CEP120: variants seen among roughly 807,000 people sequenced by gnomAD.
The protein encoded by CEP120 is centrosomal protein 120, also known as centrosomal protein of 120 kDa.
Under a neutral mutation model 126.5 loss-of-function variants are expected in CEP120, and 113 were observed. That is an observed-to-expected ratio of 0.89 (90% CI 0.77 to 1.04). The LOEUF (loss-of-function observed/expected upper bound fraction) is 1.04, where lower values mean the gene tolerates loss of function less well. Among genes scored for constraint, CEP120 ranks in the 50% least tolerant of loss-of-function variants. CEP120 has a pLI of 0.00. For missense variants in CEP120, 1,230 were observed against 1,155.7 expected, an observed-to-expected ratio of 1.06 and a Z score of -0.93; for synonymous variants, 400 against 394.3, an observed-to-expected ratio of 1.01 and a Z score of -0.17.
Position 123,349,977 on chromosome 5 carries a change from T to G in CEP120, c.2693A>C (p.Gln898Pro), listed in dbSNP as rs772210718. ...TTCATTTCTTATATCCAACAATTCT[T>G]GTCGCTCGGTTTTTACTGTATCTTT... ...EEKDTVKTERQELLDIRNELN... is the reference protein window; with the variant it reads ...EEKDTVKTERPELLDIRNELN... Residue 898 changes from glutamine to proline, a missense_variant, in exon 19 of 20, where the codon CAA becomes CCA. Gln to Pro is a moderately conservative substitution (Grantham distance 76). Coordinates refer to ENST00000306467, the MANE Select transcript of CEP120 (RefSeq NM_001375405.1). The G allele has an allele frequency of 1.9e-6, 3 of 1,613,854 alleles. No individual in the cohort carries two copies. Among genetic ancestry groups the G allele is most frequent in the Non-Finnish European group, 2.5e-6 (3 of 1,179,900 alleles).
intron 3 of CEP120, among the ~76,000 whole-genome samples, chr5:123,413,116 C>T (rs911902005): frequency 1.3e-4 from 20 of 151,456 alleles, no homozygotes; most frequent in African/African-American, 2.4e-4. Context: ...ACTAAAAATA[C>T]GAAAAATTAG....
rs764756752 is a variant in CEP120 at position 123,346,474 on chromosome 5, T to C, written c.*45A>G. ...CACTTTTGAGGTTTTTACAAAGAAA[T>C]TAAAATTTAGACTTAGAGTCTCTAT... is the stretch of plus-strand genomic sequence containing the variant. On this transcript the variant is annotated 3_prime_UTR_variant, in exon 20 of 20. Transcript: ENST00000306467. 7.1e-7 allele frequency: 1 copy of C among 1,402,190 alleles called. No homozygotes were observed. The highest frequency in any genetic ancestry group is 2.2e-5 in the Admixed American group (1 of 44,626). The allele number at this position is 1,402,190 out of a possible 1,614,324, so 86.9% of individuals were successfully genotyped here. A position where few individuals can be genotyped will look rare whatever the true frequency, so the allele number is the denominator to read the frequency against.
intron 5 of CEP120, 27 bp from the exon 6 acceptor site, chr5:123,393,524 G>C: frequency 6.3e-7 from 1 of 1,575,662 alleles, no homozygotes; most frequent in Non-Finnish European, 8.7e-7. Context: ...AAAGAAAACA[G>C]TTATTACTTT....
intron 1 of CEP120, among the ~76,000 whole-genome samples, chr5:123,421,833 A>G (rs1450049001): frequency 6.6e-6 from 1 of 152,218 alleles, no homozygotes; most frequent in Admixed American, 6.5e-5. Context: ...CTAACAGTTA[A>G]TAGTGCTCCA....
In CEP120 at chr5:123,401,476, C is replaced by A. The variant is rs545385912; in HGVS notation, c.464-2192G>T. Reference sequence around the variant, plus strand: ...CCCCATGCTTCCCAGCCAGACTCTGCAGCTCCTCATCCTTGATCTGGTACA... The same window carrying A: ...CCCCATGCTTCCCAGCCAGACTCTGAAGCTCCTCATCCTTGATCTGGTACA... On this transcript the variant is annotated intron_variant, in intron 4 of 19. Coordinates refer to ENST00000306467, the MANE Select transcript of CEP120 (RefSeq NM_001375405.1). 86 of 1,267,438 alleles carry A rather than the reference C, an allele frequency of 6.8e-5. No individual in the cohort carries two copies. In the African/African-American group the frequency reaches 1.1e-3, roughly 16 times the overall value. The allele number at this position is 1,267,438 out of a possible 1,614,324, so 78.5% of individuals were successfully genotyped here. A position where few individuals can be genotyped will look rare whatever the true frequency, so the allele number is the denominator to read the frequency against.
At chr5:123,362,568 G>A (rs963915352) in intron 18 of CEP120, among the ~76,000 whole-genome samples, 2 of 151,686 alleles carry the variant, frequency 1.3e-5, no homozygotes, top group Non-Finnish European at 3.0e-5. Context: ...CTGCTATGTA[G>A]GGATCTTTGT....
chr5:123,405,106 A>G (rs1407557300), intron 4 of CEP120, among the ~76,000 whole-genome samples: 3 of 152,246 alleles, frequency 2.0e-5, no homozygotes, highest in Admixed American at 1.3e-4. Context: ...GATCTGTCAG[A>G]GAAGTGAGGT....
At chr5:123,412,780 G>A (rs1009975810) in intron 3 of CEP120, among the ~76,000 whole-genome samples, 1 of 152,090 alleles carries the variant, frequency 6.6e-6, no homozygotes, top group African/African-American at 2.4e-5. Flanking sequence ...TATGCTTCAA[G>A]AGGCAAAATA....
rs1431206075 is a variant in CEP120, at chr5:123,391,351, G to GA, written c.811-15dup. On this transcript the variant is annotated splice_polypyrimidine_tract_variant and intron_variant, in intron 6 of 19. Transcript: ENST00000306467. ...GCAGAGGTGAATCTAATATGAAAGG[G>GA]AAAAATCAAAATAGGGCTTTATACT... is the stretch of plus-strand genomic sequence containing the variant. 1.9e-6 allele frequency: 3 copies of GA among 1,583,700 alleles called. No homozygotes were observed. Among genetic ancestry groups the GA allele is most frequent in the African/African-American group, 1.4e-5 (1 of 74,046 alleles).
intron 19 of CEP120, among the ~76,000 whole-genome samples, chr5:123,348,386 A>G (rs1768978420): frequency 6.6e-6 from 1 of 152,196 alleles, no homozygotes; most frequent in African/African-American, 2.4e-5. Flanking sequence ...ACTAGAACCA[A>G]GAAAGTGCTA....
intron 8 of CEP120, 27 bp downstream of exon 8, chr5:123,389,897 C>A (rs200275819): frequency 1.3e-6 from 2 of 1,578,312 alleles, no homozygotes; most frequent in East Asian, 2.2e-5. Context: ...CCTCAAAGAT[C>A]TATAAACAAA....
rs1771726973 is a variant in CEP120 at position 123,382,631 on chromosome 5, T to A, written c.2013+106A>T. On this transcript the variant is annotated intron_variant, in intron 13 of 19. Transcript: ENST00000306467. ...AAAGCATTGTTGACATTCAAAGAAG[T>A]TAGATAAGGTACCTACAGAACATAG... is the stretch of plus-strand genomic sequence containing the variant. 7 of 999,292 alleles carry A rather than the reference T, an allele frequency of 7.0e-6. No homozygotes were observed. The South Asian group carries it at 1.6e-4, about 23-fold the overall frequency. 61.9% of individuals were successfully genotyped at this position (999,292 alleles called of 1,614,324 possible).
intron 2 of CEP120, 130 bp downstream of exon 2, chr5:123,418,229 G>T: frequency 1.5e-6 from 1 of 681,580 alleles, no homozygotes. Context: ...AGGTATCTTT[G>T]ATTATGCAGA....
chr5:123,421,413 G>A (rs1406531901), intron 1 of CEP120, among the ~76,000 whole-genome samples: 1 of 152,038 alleles, frequency 6.6e-6, no homozygotes, highest in Non-Finnish European at 1.5e-5. Context: ...AACACACATC[G>A]CACAGCTCTC....
intron 19 of CEP120, among the ~76,000 whole-genome samples, chr5:123,349,128 A>G (rs1032043089): frequency 2.2e-4 from 34 of 152,184 alleles, no homozygotes; most frequent in Admixed American, 1.9e-3. Flanking sequence ...CTTTTCTAAC[A>G]TGAAACACTT....
Position 123,396,901 on chromosome 5 carries a change from T to C in CEP120, c.612+2235A>G, listed in dbSNP as rs1772829216. ...ATGAAAATGATCAACTCTAAGATTG[T>C]GGTAGGATTAAACACAAAATATGCA... is the stretch of plus-strand genomic sequence containing the variant. On this transcript the variant is annotated intron_variant, in intron 5 of 19. Coordinates refer to ENST00000306467, the MANE Select transcript of CEP120 (RefSeq NM_001375405.1). Among the ~76,000 whole-genome samples the C allele has an allele frequency of 2.0e-5, 3 of 152,206 alleles. 1 individual carries two copies. The highest frequency in any genetic ancestry group is 7.2e-5 in the African/African-American group (3 of 41,454).
intron 9 of CEP120, 91 bp downstream of exon 9, chr5:123,388,338 ACTT>A: frequency 1.2e-6 from 1 of 822,470 alleles, no homozygotes. Flanking sequence ...AAATGTTATA[ACTT>A]CTTTGGTGAC....
chr5:123,383,285 T>A (rs1771783914), intron 11 of CEP120, among the ~76,000 whole-genome samples: 1 of 152,090 alleles, frequency 6.6e-6, no homozygotes, highest in Non-Finnish European at 1.5e-5. Flanking sequence ...CCCTGCTAAA[T>A]ACACGCATAC....
chr5:123,395,268 G>A (rs1486685778), intron 5 of CEP120, among the ~76,000 whole-genome samples: 3 of 152,078 alleles, frequency 2.0e-5, no homozygotes, highest in South Asian at 2.1e-4. Context: ...AAGAAAAGAA[G>A]GAAGCAAGAT....
Sources: allele counts gnomAD v4.1 joint callset (sites outside exome capture counted in the v4.1 genomes callset), GRCh38; gene constraint gnomAD v4.1.1; transcripts MANE v1.5; gene names NCBI Gene and HGNC (gene_info 2026-07-23, HGNC 2026-07-21).